ADAMTSL1: variants seen among roughly 807,000 people sequenced by gnomAD.
ADAMTSL1 encodes the protein ADAMTS-like protein 1.
Under a neutral mutation model 201.8 loss-of-function variants are expected in ADAMTSL1, and 126 were observed. The observed-to-expected ratio is 0.62, with a 90% CI of 0.54 to 0.72. ADAMTSL1 has a LOEUF of 0.72. Ranked by LOEUF, ADAMTSL1 falls within the 30% of genes least tolerant of loss-of-function variation. The pLI is 0.00. For missense variants in ADAMTSL1, 2,679 were observed against 2,277.8 expected (o/e 1.18, Z -3.59); for synonymous variants, 1,121 against 903.4 (o/e 1.24, Z -4.32).
intron 2 of ADAMTSL1, among the ~76,000 whole-genome samples, chr9:18,252,146 G>A (rs907139955): frequency 6.6e-6 from 1 of 152,094 alleles, no homozygotes; most frequent in Non-Finnish European, 1.5e-5. Flanking sequence ...GAAAAGTTTA[G>A]GAGAAAAGTT....
At chr9:18,837,343 G>C (rs1374926007) in intron 23 of ADAMTSL1, among the ~76,000 whole-genome samples, 1 of 152,164 alleles carries the variant, frequency 6.6e-6, no homozygotes, top group Non-Finnish European at 1.5e-5. Flanking sequence ...ACTACAATTT[G>C]CTGAAAATAT....
intron 1 of ADAMTSL1, among the ~76,000 whole-genome samples, chr9:18,157,664 G>A (rs1018606939): frequency 3.9e-5 from 6 of 151,992 alleles, no homozygotes; most frequent in African/African-American, 9.7e-5. Flanking sequence ...ACAATCCTTA[G>A]AAATGGTAAT....
intron 7 of ADAMTSL1, among the ~76,000 whole-genome samples, chr9:18,649,857 G>A (rs960243794): frequency 1.3e-5 from 2 of 152,160 alleles, no homozygotes; most frequent in African/African-American, 2.4e-5. Context: ...CCTACTTGAG[G>A]AGGCAGTCTG....
intron 2 of ADAMTSL1, among the ~76,000 whole-genome samples, chr9:18,270,463 A>C (rs955496556): frequency 1.3e-5 from 2 of 152,224 alleles, no homozygotes; most frequent in Non-Finnish European, 2.9e-5. Context: ...ACCTAAATCC[A>C]AAAAGCCTTT....
chr9:18,204,145 C>A (rs1474765760), intron 2 of ADAMTSL1, among the ~76,000 whole-genome samples: 1 of 152,028 alleles, frequency 6.6e-6, no homozygotes, highest in Non-Finnish European at 1.5e-5. Flanking sequence ...ATTACTTAAC[C>A]CTATGTGATT....
intron 1 of ADAMTSL1, among the ~76,000 whole-genome samples, chr9:17,973,067 C>CAGATGAGTAGCTTGCACAA (rs759796946): frequency 1.0e-5 from 1 of 96,910 alleles, no homozygotes. Context: ...GATATTAACC[C>CAGATGAGTAGCTTGCACAA]TTTGTCAGAT....
chr9:18,174,714 C>T (rs1828060964), intron 2 of ADAMTSL1, among the ~76,000 whole-genome samples: 1 of 151,998 alleles, frequency 6.6e-6, no homozygotes, highest in Non-Finnish European at 1.5e-5. Context: ...AAAACACTAA[C>T]AAGACATTAT....
At chr9:18,851,356 G>T (rs757498169) in intron 23 of ADAMTSL1, among the ~76,000 whole-genome samples, 3 of 152,098 alleles carry the variant, frequency 2.0e-5, no homozygotes, top group Admixed American at 6.5e-5. Context: ...GAGGAGGAAG[G>T]TTGTAGTGCT....
rs770469221 is a variant in ADAMTSL1, at chr9:18,001,553, T to G, written c.87+94631T>G. On this transcript the variant is annotated intron_variant, in intron 1 of 29. Coordinates refer to the ADAMTSL1 transcript ENST00000680146. ...GCATCTAATCTTAGAACGGGCTGAT[T>G]CAAAGAAGGTTTCCAGGAAGAAAAA... 3.3e-5 allele frequency among the ~76,000 whole-genome samples: 5 copies of G among 152,046 alleles called. No individual in the cohort carries two copies. The South Asian group carries it at 1.0e-3, about 31-fold the overall frequency.
chr9:18,222,199 A>G (rs1354983982), intron 2 of ADAMTSL1, among the ~76,000 whole-genome samples: 2 of 152,036 alleles, frequency 1.3e-5, no homozygotes, highest in East Asian at 1.9e-4. Flanking sequence ...TATAACATAT[A>G]GCTAATTTTG....
At chr9:18,767,215 G>C (rs1177733589) in intron 16 of ADAMTSL1, among the ~76,000 whole-genome samples, 1 of 152,158 alleles carries the variant, frequency 6.6e-6, no homozygotes, top group African/African-American at 2.4e-5. Context: ...GTAGGCATAG[G>C]GGAGAGGTCA....
chr9:18,816,410 T>C (rs1455291076), intron 20 of ADAMTSL1, among the ~76,000 whole-genome samples: 2 of 152,160 alleles, frequency 1.3e-5, no homozygotes, highest in African/African-American at 4.8e-5. Flanking sequence ...TTAATTTTTG[T>C]ATTTTTAGTA....
At chr9:18,011,091 A>G (rs1820033353) in intron 1 of ADAMTSL1, among the ~76,000 whole-genome samples, 1 of 152,074 alleles carries the variant, frequency 6.6e-6, no homozygotes, top group Admixed American at 6.6e-5. Context: ...TGTAAGAATA[A>G]GAAAACCTCA....
At chr9:18,278,917 GT>G (rs1225389329) in intron 2 of ADAMTSL1, among the ~76,000 whole-genome samples, 9 of 150,420 alleles carry the variant, frequency 6.0e-5, no homozygotes, top group East Asian at 2.0e-4. Flanking sequence ...GAGCTCACTG[GT>G]TTTTTTTTCT....
intron 1 of ADAMTSL1, among the ~76,000 whole-genome samples, chr9:18,091,856 A>G (rs374092226): frequency 2.6e-5 from 4 of 152,098 alleles, no homozygotes; most frequent in Admixed American, 2.0e-4. Context: ...CAGCACGGGT[A>G]TTGTGAGTGA....
chr9:18,267,091 G>T (rs1315126384), intron 2 of ADAMTSL1, among the ~76,000 whole-genome samples: 1 of 152,084 alleles, frequency 6.6e-6, no homozygotes, highest in African/African-American at 2.4e-5. Flanking sequence ...AAAAAGAATT[G>T]CAGTGGCATT....
At chr9:18,866,423 C>T (rs925308031) in intron 23 of ADAMTSL1, among the ~76,000 whole-genome samples, 15 of 152,130 alleles carry the variant, frequency 9.9e-5, no homozygotes, top group Admixed American at 7.2e-4. Context: ...AAATAAGCTA[C>T]GTATTTAGTT....
chr9:18,314,945 C>T (rs376032879), intron 2 of ADAMTSL1, among the ~76,000 whole-genome samples: 53 of 150,770 alleles, frequency 3.5e-4, no homozygotes, highest in African/African-American at 1.2e-3. Context: ...TACAGGCGCC[C>T]GCTACCACGC....
At chr9:18,815,605 G>A (rs1823788783) in intron 20 of ADAMTSL1, among the ~76,000 whole-genome samples, 2 of 150,592 alleles carry the variant, frequency 1.3e-5, no homozygotes, top group South Asian at 4.2e-4. Context: ...CTACCCAGGA[G>A]GCTTAGGTGG....
Sources: allele counts gnomAD v4.1 joint callset (sites outside exome capture counted in the v4.1 genomes callset), GRCh38; gene constraint gnomAD v4.1.1; transcripts MANE v1.5; gene names NCBI Gene and HGNC (gene_info 2026-07-23, HGNC 2026-07-21).